CTNNA2: variants seen among roughly 807,000 people sequenced by gnomAD.
CTNNA2 encodes catenin alpha 2.
CTNNA2 carries 42 observed loss-of-function variants against 101.0 expected under a neutral mutation model. The ratio of observed to expected loss-of-function variants is 0.42; its 90% confidence interval spans 0.32 to 0.54. The LOEUF (loss-of-function observed/expected upper bound fraction) is 0.54. CTNNA2 is among the 20% of genes least tolerant of loss of function. The pLI, the probability that CTNNA2 is intolerant of heterozygous loss-of-function variation, is 0.14. For missense variants in CTNNA2, 871 were observed against 1,223.1 expected (o/e 0.71, Z 4.29); for synonymous variants, 450 against 456.4 (o/e 0.99, Z 0.18).
chr2:79,337,217 G>A (rs1181654527), intron 3 of CTNNA2, among the ~76,000 whole-genome samples: 1 of 152,142 alleles, frequency 6.6e-6, no homozygotes, highest in African/African-American at 2.4e-5. Flanking sequence ...GCATACATAA[G>A]TCTGTAACTG....
At chr2:80,580,182 C>A (rs547584035) in intron 13 of CTNNA2, among the ~76,000 whole-genome samples, 1 of 152,152 alleles carries the variant, frequency 6.6e-6, no homozygotes, top group Non-Finnish European at 1.5e-5. Flanking sequence ...AAGAAACCTG[C>A]GTGAGTTAGT....
At chr2:80,488,031 A>G (rs1686737222) in intron 9 of CTNNA2, among the ~76,000 whole-genome samples, 1 of 152,198 alleles carries the variant, frequency 6.6e-6, no homozygotes, top group Admixed American at 6.5e-5. Context: ...AGCTAAGGAA[A>G]TTATTTGAAT....
chr2:80,618,282 C>T (rs780970676), intron 17 of CTNNA2, among the ~76,000 whole-genome samples: 1 of 151,760 alleles, frequency 6.6e-6, no homozygotes, highest in Non-Finnish European at 1.5e-5. Flanking sequence ...AGTGACAGTG[C>T]ATTTTTTTAT....
At chr2:80,118,999 G>A (rs1218653296) in intron 7 of CTNNA2, among the ~76,000 whole-genome samples, 5 of 152,322 alleles carry the variant, frequency 3.3e-5, no homozygotes, top group East Asian at 1.9e-4. Context: ...GATGCAATAC[G>A]CTACCCTCTT....
At chr2:80,029,225 C>T (rs1279705613) in intron 7 of CTNNA2, among the ~76,000 whole-genome samples, 2 of 152,174 alleles carry the variant, frequency 1.3e-5, no homozygotes, top group African/African-American at 4.8e-5. Flanking sequence ...CACTTAACTG[C>T]CCTTGTCATC....
chr2:80,272,358 C>T (rs1673563738), intron 7 of CTNNA2, among the ~76,000 whole-genome samples: 1 of 152,144 alleles, frequency 6.6e-6, no homozygotes, highest in South Asian at 2.1e-4. Flanking sequence ...CCGACTATAC[C>T]AAATAATTTG....
At chr2:79,480,301 G>A (rs1001553425) in intron 4 of CTNNA2, among the ~76,000 whole-genome samples, 13 of 152,056 alleles carry the variant, frequency 8.5e-5, no homozygotes, top group African/African-American at 2.9e-4. Flanking sequence ...CCAACATTGG[G>A]TATTACTTTT....
intron 4 of CTNNA2, among the ~76,000 whole-genome samples, chr2:79,868,645 G>A (rs868365878): frequency 6.6e-6 from 1 of 152,146 alleles, no homozygotes; most frequent in Non-Finnish European, 1.5e-5. Context: ...TCTATATAAT[G>A]CCCTTTAATT....
intron 9 of CTNNA2, among the ~76,000 whole-genome samples, chr2:80,518,014 C>T (rs150147080): frequency 6.6e-6 from 1 of 152,274 alleles, no homozygotes; most frequent in East Asian, 1.9e-4. Flanking sequence ...GCAGTAAATG[C>T]AAGCATTTGC....
intron 4 of CTNNA2, among the ~76,000 whole-genome samples, chr2:79,457,592 A>G (rs757567963): frequency 1.3e-5 from 2 of 152,198 alleles, no homozygotes; most frequent in African/African-American, 2.4e-5. Context: ...TATAAGGCTC[A>G]TATGAAAAAC....
chr2:79,486,708 C>T (rs6736575), intron 4 of CTNNA2, among the ~76,000 whole-genome samples: 48,616 of 151,994 alleles, frequency 0.32, 8,580 homozygotes, highest in Non-Finnish European at 0.39. Context: ...AAAAATTTTC[C>T]TATTTCTCCA....
At chr2:80,483,818 G>A (rs1462762157) in intron 9 of CTNNA2, among the ~76,000 whole-genome samples, 1 of 152,110 alleles carries the variant, frequency 6.6e-6, no homozygotes, top group African/African-American at 2.4e-5. Flanking sequence ...AAAGTACTCT[G>A]TGCTGAAGAA....
intron 10 of CTNNA2, 111 bp from the exon 11 acceptor site, chr2:80,545,796 C>T: frequency 9.9e-7 from 1 of 1,010,416 alleles, no homozygotes. Flanking sequence ...ACCAAGAACC[C>T]ACTTATCTGT....
intron 7 of CTNNA2, among the ~76,000 whole-genome samples, chr2:79,915,326 C>T (rs1393366797): frequency 1.6e-5 from 2 of 126,696 alleles, no homozygotes; most frequent in Non-Finnish European, 3.3e-5. Context: ...CACACACACA[C>T]ACACATTACA....
chr2:80,011,874 G>A (rs1693813512), intron 7 of CTNNA2, among the ~76,000 whole-genome samples: 1 of 152,230 alleles, frequency 6.6e-6, no homozygotes, highest in South Asian at 2.1e-4. Context: ...AATGTGATCA[G>A]CATTATCTTT....
chr2:79,990,603 G>C (rs181997732), intron 7 of CTNNA2, among the ~76,000 whole-genome samples: 1 of 152,270 alleles, frequency 6.6e-6, no homozygotes, highest in Admixed American at 6.5e-5. Context: ...ATTTAGAATA[G>C]AGCCTGCCAT....
chr2:80,592,305 C>T (rs1024763816), intron 15 of CTNNA2, among the ~76,000 whole-genome samples: 1 of 152,144 alleles, frequency 6.6e-6, no homozygotes, highest in African/African-American at 2.4e-5. Context: ...AGTTCCAATT[C>T]TCTACTCATC....
intron 12 of CTNNA2, among the ~76,000 whole-genome samples, chr2:80,570,152 G>A (rs1344896960): frequency 3.3e-5 from 5 of 151,772 alleles, no homozygotes; most frequent in African/African-American, 9.7e-5. Flanking sequence ...GGGTTCAAGC[G>A]ATTCTCATGC....
chr2:80,022,634 A>T (rs1212236482), intron 7 of CTNNA2, among the ~76,000 whole-genome samples: 1 of 152,138 alleles, frequency 6.6e-6, no homozygotes, highest in African/African-American at 2.4e-5. Flanking sequence ...AGGATGAACT[A>T]ACGGAAGAGA....
Sources: gnomAD v4.1 joint callset for allele counts (sites outside exome capture counted in the v4.1 genomes callset) on GRCh38, gnomAD v4.1.1 for gene constraint, MANE v1.5 for transcripts, NCBI Gene and HGNC (gene_info 2026-07-23, HGNC 2026-07-21) for gene names.